Variants in KHDRBS2 observed in about 807,000 individuals in gnomAD.
The protein encoded by KHDRBS2 is KH domain-containing, RNA-binding, signal transduction-associated protein 2.
KHDRBS2 carries 26 observed loss-of-function variants against 44.3 expected under a neutral mutation model. The ratio of observed to expected loss-of-function variants is 0.59; its 90% CI spans 0.43 to 0.81. The LOEUF is 0.81. Among genes scored for constraint, KHDRBS2 ranks in the 40% least tolerant of loss-of-function variants. KHDRBS2 has a pLI of 0.00. For missense variants in KHDRBS2, 476 were observed against 433.1 expected, an observed-to-expected ratio of 1.10 and a Z score of -0.88; for synonymous variants, 194 against 151.1, an observed-to-expected ratio of 1.28 and a Z score of -2.08.
the KHDRBS2 span, among the ~76,000 whole-genome samples, chr6:61,556,370 A>C: frequency 3.3e-5 from 5 of 152,282 alleles, no homozygotes; most frequent in African/African-American, 1.2e-4. Context: ...GGATCTCACC[A>C]AAAAATCAAT....
At chr6:62,182,495 G>A (rs899346566) in intron 1 of KHDRBS2, among the ~76,000 whole-genome samples, 13 of 151,874 alleles carry the variant, frequency 8.6e-5, no homozygotes, top group African/African-American at 2.9e-4. Context: ...AAATGTAGTG[G>A]GATGAAACTT....
intron 6 of KHDRBS2, among the ~76,000 whole-genome samples, chr6:61,887,982 G>A (rs1487899502): frequency 1.3e-5 from 2 of 152,094 alleles, no homozygotes; most frequent in Non-Finnish European, 2.9e-5. Flanking sequence ...CAAAAATAAT[G>A]AAAATATAAT....
At chr6:61,741,695 T>A (rs1466894286) in intron 6 of KHDRBS2, among the ~76,000 whole-genome samples, 2 of 151,928 alleles carry the variant, frequency 1.3e-5, no homozygotes, top group Non-Finnish European at 2.9e-5. Flanking sequence ...ATTTCCTAAG[T>A]TCAACCTAAC....
rs146308555 is a variant in KHDRBS2, at chr6:62,115,753, C to T, written c.219+61432G>A. ...GGCTATTTCTACACATATAGTGAAT[C>T]TCTCTGTACTCTCTTTTTTGATAGA... On this transcript the variant is annotated intron_variant, in intron 2 of 8. Transcript: ENST00000281156. Among the ~76,000 whole-genome samples the T allele has an allele frequency of 1.3e-3, 199 of 152,212 alleles. 2 individuals are homozygous for T. The highest frequency in any genetic ancestry group is 4.5e-3 in the African/African-American group (185 of 41,566).
At chr6:62,067,114 T>C (rs750439506) in intron 2 of KHDRBS2, among the ~76,000 whole-genome samples, 14 of 151,504 alleles carry the variant, frequency 9.2e-5, no homozygotes, top group Admixed American at 7.9e-4. Flanking sequence ...AGATAGAGAA[T>C]TGGGGACTGA....
intron 2 of KHDRBS2, among the ~76,000 whole-genome samples, chr6:62,170,119 C>T (rs528755959): frequency 2.6e-5 from 4 of 152,114 alleles, no homozygotes; most frequent in South Asian, 2.1e-4. Context: ...AAGGCACAAT[C>T]GTGTTCCCTG....
At chr6:61,867,840 G>A (rs1214082646) in intron 6 of KHDRBS2, among the ~76,000 whole-genome samples, 3 of 152,056 alleles carry the variant, frequency 2.0e-5, no homozygotes, top group African/African-American at 7.2e-5. Flanking sequence ...CATCCCAGGG[G>A]GTTACTGACT....
chr6:61,736,501 C>A (rs1203118260), intron 6 of KHDRBS2, among the ~76,000 whole-genome samples: 4 of 152,024 alleles, frequency 2.6e-5, no homozygotes, highest in Non-Finnish European at 5.9e-5. Context: ...TGGTCCTTCA[C>A]CAAGATTATA....
intron 5 of KHDRBS2, among the ~76,000 whole-genome samples, chr6:61,900,655 T>G (rs73487369): frequency 0.01 from 1,573 of 152,268 alleles, 28 homozygotes; most frequent in African/African-American, 0.036. Flanking sequence ...TTAAATATCC[T>G]TACCATCAGC....
At chr6:62,004,480 T>C (rs562285100) in intron 3 of KHDRBS2, among the ~76,000 whole-genome samples, 1 of 152,254 alleles carries the variant, frequency 6.6e-6, no homozygotes, top group East Asian at 1.9e-4. Context: ...AATCCCTGAA[T>C]AGACCAATAA....
chr6:62,116,026 T>C (rs973582866), intron 2 of KHDRBS2, among the ~76,000 whole-genome samples: 8 of 152,072 alleles, frequency 5.3e-5, no homozygotes, highest in African/African-American at 1.7e-4. Context: ...ATTATGTTTA[T>C]AGGTAAATTC....
At chr6:61,576,248 C>T in the KHDRBS2 span, among the ~76,000 whole-genome samples, 2 of 152,072 alleles carry the variant, frequency 1.3e-5, no homozygotes, top group African/African-American at 4.8e-5. Context: ...TTTGGGTTAT[C>T]TAAAATTTAT....
chr6:61,880,606 C>G (rs759017989), intron 6 of KHDRBS2, among the ~76,000 whole-genome samples: 2 of 151,834 alleles, frequency 1.3e-5, no homozygotes, highest in Admixed American at 6.6e-5. Context: ...ATAAAACAGA[C>G]ACATTTTTTA....
At chr6:62,058,283 T>G (rs1447282807) in intron 2 of KHDRBS2, among the ~76,000 whole-genome samples, 2 of 151,852 alleles carry the variant, frequency 1.3e-5, no homozygotes, top group Admixed American at 1.3e-4. Context: ...GCAGAGAGAA[T>G]TCTTCATTTT....
the KHDRBS2 span, among the ~76,000 whole-genome samples, chr6:61,590,631 G>A: frequency 1.3e-5 from 2 of 151,982 alleles, no homozygotes; most frequent in African/African-American, 4.8e-5. Context: ...ATATCCTGTG[G>A]GTTTACTTTG....
At chr6:62,065,160 T>A (rs973921990) in intron 2 of KHDRBS2, among the ~76,000 whole-genome samples, 4 of 151,340 alleles carry the variant, frequency 2.6e-5, no homozygotes, top group African/African-American at 9.7e-5. Context: ...TGTGGAGAAA[T>A]AGGAACACTT....
chr6:62,048,131 C>CACAG (rs898346621), intron 2 of KHDRBS2, 137 bp from the exon 3 acceptor site: 1 of 587,844 alleles, frequency 1.7e-6, no homozygotes, highest in Non-Finnish European at 3.0e-6. Flanking sequence ...TACACACACA[C>CACAG]ACACACACAC....
intron 1 of KHDRBS2, among the ~76,000 whole-genome samples, chr6:62,178,578 T>C (rs1821615865): frequency 1.3e-5 from 2 of 151,490 alleles, no homozygotes; most frequent in South Asian, 4.1e-4. Context: ...ATTTGTCTAG[T>C]TGAGAAACGA....
At chr6:62,153,028 A>G (rs1815566605) in intron 2 of KHDRBS2, among the ~76,000 whole-genome samples, 1 of 152,244 alleles carries the variant, frequency 6.6e-6, no homozygotes, top group African/African-American at 2.4e-5. Flanking sequence ...ATGTGAATGA[A>G]CAGCTTGGAG....
Sources: allele counts gnomAD v4.1 joint callset (sites outside exome capture counted in the v4.1 genomes callset), GRCh38; gene constraint gnomAD v4.1.1; transcripts MANE v1.5; gene names NCBI Gene and HGNC (gene_info 2026-07-23, HGNC 2026-07-21).